Variants in MYRIP observed in about 807,000 individuals in gnomAD.
The protein encoded by MYRIP is rab effector MyRIP.
Under a neutral mutation model 98.0 loss-of-function variants are expected in MYRIP, and 49 were observed. That is an observed-to-expected ratio of 0.50 (90% CI 0.40 to 0.63). The LOEUF (loss-of-function observed/expected upper bound fraction) is 0.63. Ranked by LOEUF, MYRIP falls within the 30% of genes least tolerant of loss-of-function variation. The pLI is 0.00. For missense variants in MYRIP, 1,004 were observed against 1,058.2 expected (o/e 0.95, Z 0.71); for synonymous variants, 404 against 409.5 (o/e 0.99, Z 0.16).
intron 2 of MYRIP, among the ~76,000 whole-genome samples, chr3:40,015,263 C>T (rs1171375767): frequency 2.0e-5 from 3 of 152,182 alleles, no homozygotes; most frequent in Non-Finnish European, 4.4e-5. Flanking sequence ...AAAAATATGG[C>T]TGCAAGGTGA....
intron 2 of MYRIP, among the ~76,000 whole-genome samples, chr3:39,920,270 A>G (rs1311170282): frequency 6.6e-6 from 1 of 152,182 alleles, no homozygotes; most frequent in Non-Finnish European, 1.5e-5. Context: ...ATATCTGTTT[A>G]GTAAACTCAA....
Position 40,080,938 on chromosome 3 carries a change from G to A in MYRIP, c.332+36667G>A, listed in dbSNP as rs1948467135. On this transcript the variant is annotated intron_variant, in intron 3 of 16. Coordinates refer to ENST00000302541, the MANE Select transcript of MYRIP (RefSeq NM_015460.4). ...ACTAAATTCTTCTTTATATATCATA[G>A]TAACTAGATGTAGTCTTTTTATCAT... is the stretch of plus-strand genomic sequence containing the variant. 2.6e-5 allele frequency among the ~76,000 whole-genome samples: 4 copies of A among 151,140 alleles called. No individual in the cohort carries two copies. The South Asian group carries it at 6.2e-4, about 24-fold the overall frequency.
At chr3:40,145,744 G>A (rs528070613) in intron 3 of MYRIP, among the ~76,000 whole-genome samples, 142 of 152,294 alleles carry the variant, frequency 9.3e-4, no homozygotes, top group African/African-American at 3.3e-3. Flanking sequence ...TCACAGAACC[G>A]TTTTTAATGC....
chr3:39,876,064 C>A (rs895352569), intron 1 of MYRIP, among the ~76,000 whole-genome samples: 2 of 152,138 alleles, frequency 1.3e-5, no homozygotes, highest in South Asian at 4.1e-4. Context: ...GTTAGCTCTT[C>A]TTGTTGAATT....
At position 40,233,903 on chromosome 3, in the gene MYRIP, G is replaced by A. The variant is rs1952739355; in HGVS notation, c.1950G>A (p.Leu650=). 30 of 1,613,450 alleles carry A rather than the reference G, an allele frequency of 1.9e-5. No homozygotes were observed. The highest frequency in any genetic ancestry group is 2.5e-5 in the Non-Finnish European group (29 of 1,179,862). ...TCTGCAACATCTCCACAGAAGTCCTGAAAGTCATCAATGCCACAGAGGAGT... is the reference window on the plus strand; with the variant it reads ...TCTGCAACATCTCCACAGAAGTCCTAAAAGTCATCAATGCCACAGAGGAGT... ...VSLCNISTEV[L]KVINATEELI... The change falls in exon 12 of 17, where the codon CTG becomes CTA. Residue 650 remains leucine (L), a synonymous_variant. Coordinates refer to ENST00000302541, the MANE Select transcript of MYRIP (RefSeq NM_015460.4).
chr3:39,923,740 T>A (rs933753802), intron 2 of MYRIP, among the ~76,000 whole-genome samples: 3 of 152,150 alleles, frequency 2.0e-5, no homozygotes, highest in Non-Finnish European at 4.4e-5. Flanking sequence ...GCTTTCTTTA[T>A]CCTTTTCTAA....
intron 7 of MYRIP, 59 bp downstream of exon 7, chr3:40,167,298 C>A: frequency 6.8e-7 from 1 of 1,473,156 alleles, no homozygotes; most frequent in South Asian, 1.1e-5. Context: ...GGTGCAGGGA[C>A]TCTGGCAAGT....
intron 3 of MYRIP, among the ~76,000 whole-genome samples, chr3:40,089,103 G>A (rs1948690268): frequency 6.6e-6 from 1 of 152,108 alleles, no homozygotes; most frequent in Non-Finnish European, 1.5e-5. Flanking sequence ...CAGGGCGGAT[G>A]ATGCATGGAT....
At chr3:40,191,284 C>T (rs926165115) in intron 10 of MYRIP, among the ~76,000 whole-genome samples, 2 of 152,168 alleles carry the variant, frequency 1.3e-5, no homozygotes, top group African/African-American at 4.8e-5. Flanking sequence ...CATGGGCTCC[C>T]AACCAGACTA....
intron 11 of MYRIP, among the ~76,000 whole-genome samples, chr3:40,221,275 C>T (rs560623248): frequency 1.8e-4 from 28 of 152,052 alleles, no homozygotes; most frequent in Non-Finnish European, 2.9e-4. Flanking sequence ...GAGAGTTTAT[C>T]ATTTGCTCAA....
At chr3:40,025,527 G>T (rs1947105995) in intron 2 of MYRIP, among the ~76,000 whole-genome samples, 1 of 152,142 alleles carries the variant, frequency 6.6e-6, no homozygotes, top group Admixed American at 6.5e-5. Flanking sequence ...TTGGAGCCCA[G>T]CTCTTAAAAG....
chr3:40,093,536 T>C (rs1948766891), intron 3 of MYRIP, among the ~76,000 whole-genome samples: 1 of 152,152 alleles, frequency 6.6e-6, no homozygotes, highest in Non-Finnish European at 1.5e-5. Flanking sequence ...CTATGCAGGG[T>C]CATTCTAAGG....
At chr3:40,187,680 C>G (rs1041645842) in intron 9 of MYRIP, among the ~76,000 whole-genome samples, 8 of 152,192 alleles carry the variant, frequency 5.3e-5, no homozygotes, top group Non-Finnish European at 5.9e-5. Context: ...GGCTAATTTT[C>G]TTGTAAGGAT....
intron 3 of MYRIP, among the ~76,000 whole-genome samples, chr3:40,059,937 C>T (rs1947973228): frequency 6.6e-6 from 1 of 152,260 alleles, no homozygotes. Flanking sequence ...AAGGCTCATG[C>T]CAGTCCAGAT....
intron 3 of MYRIP, among the ~76,000 whole-genome samples, chr3:40,114,267 C>G (rs1949227402): frequency 6.6e-6 from 1 of 152,106 alleles, no homozygotes; most frequent in Non-Finnish European, 1.5e-5. Context: ...CAGTTGCCTA[C>G]AGTATTCAGT....
Position 40,215,829 on chromosome 3 carries a change from C to G in MYRIP, c.1905+5736C>G, listed in dbSNP as rs573349206. 2.6e-5 allele frequency among the ~76,000 whole-genome samples: 4 copies of G among 152,196 alleles called. No individual in the cohort carries two copies. In the South Asian group the frequency reaches 8.3e-4, roughly 32 times the overall value. On this transcript the variant is annotated intron_variant, in intron 11 of 16. Coordinates refer to ENST00000302541, the MANE Select transcript of MYRIP (RefSeq NM_015460.4). Reference sequence around the variant, plus strand: ...TACACTGATTTCAATAGGCCTTATGCCTATTGAGGAATTAACACCTCTTTC... The same window carrying G: ...TACACTGATTTCAATAGGCCTTATGGCTATTGAGGAATTAACACCTCTTTC...
chr3:40,099,151 G>T (rs1256941607), intron 3 of MYRIP, among the ~76,000 whole-genome samples: 1 of 152,138 alleles, frequency 6.6e-6, no homozygotes, highest in East Asian at 1.9e-4. Context: ...TAGAAGGGAG[G>T]GGGACCCACA....
chr3:40,041,023 A>G (rs1235497752), intron 2 of MYRIP, among the ~76,000 whole-genome samples: 3 of 24,540 alleles, frequency 1.2e-4, no homozygotes, highest in South Asian at 6.8e-4. Context: ...TTACCAGCAG[A>G]AAAAAAAAAA....
At chr3:40,218,936 C>A (rs930698088) in intron 11 of MYRIP, among the ~76,000 whole-genome samples, 5 of 151,748 alleles carry the variant, frequency 3.3e-5, no homozygotes, top group Admixed American at 6.6e-5. Flanking sequence ...TAAAATATAG[C>A]CAAGAAAACT....
Sources: allele counts gnomAD v4.1 joint callset (sites outside exome capture counted in the v4.1 genomes callset), GRCh38; gene constraint gnomAD v4.1.1; transcripts MANE v1.5; gene names NCBI Gene and HGNC (gene_info 2026-07-23, HGNC 2026-07-21).